CYB5R4: variants seen among roughly 807,000 people sequenced by gnomAD.
CYB5R4 encodes the protein cytochrome b5 reductase 4.
Under a neutral mutation model 70.2 loss-of-function variants are expected in CYB5R4, and 55 were observed. The observed-to-expected ratio is 0.78, with a 90% CI of 0.63 to 0.98. CYB5R4 has a LOEUF of 0.98. Ranked by LOEUF, CYB5R4 falls within the 50% of genes least tolerant of loss-of-function variation. The pLI, the probability that CYB5R4 is intolerant of heterozygous loss-of-function variation, is 0.00. For missense variants in CYB5R4, 562 were observed against 612.6 expected (o/e 0.92, Z 0.87); for synonymous variants, 197 against 199.5 (o/e 0.99, Z 0.11).
At chr6:83,906,654 G>A (rs1215462487) in intron 3 of CYB5R4, among the ~76,000 whole-genome samples, 3 of 152,138 alleles carry the variant, frequency 2.0e-5, no homozygotes, top group Admixed American at 6.5e-5. Context: ...GGTATCTCCT[G>A]TCACTTTACT....
chr6:83,874,193 C>T (rs1352917324), intron 2 of CYB5R4, among the ~76,000 whole-genome samples: 1 of 113,406 alleles, frequency 8.8e-6, no homozygotes, highest in African/African-American at 3.4e-5. Flanking sequence ...CCCTTCCCTT[C>T]CCTCTTATTT....
intron 2 of CYB5R4, among the ~76,000 whole-genome samples, chr6:83,869,657 C>T (rs1317867348): frequency 6.6e-6 from 1 of 152,096 alleles, no homozygotes; most frequent in African/African-American, 2.4e-5. Flanking sequence ...GGCAAAACTC[C>T]AGCTCTACTA....
intron 12 of CYB5R4, among the ~76,000 whole-genome samples, chr6:83,937,676 T>C (rs2099469133): frequency 6.6e-6 from 1 of 152,098 alleles, no homozygotes; most frequent in African/African-American, 2.4e-5. Context: ...CACACCACCA[T>C]GCTGGCTAAT....
chr6:83,881,581 G>A (rs1170189958), intron 2 of CYB5R4, among the ~76,000 whole-genome samples: 1 of 152,190 alleles, frequency 6.6e-6, no homozygotes, highest in Non-Finnish European at 1.5e-5. Context: ...TGAACAAATT[G>A]TTTTTTATGG....
rs865921582 is a variant in CYB5R4 at position 83,922,530 on chromosome 6, G to A, written c.691+60G>A. 1.8e-5 allele frequency: 21 copies of A among 1,198,964 alleles called. No individual in the cohort carries two copies. In the African/African-American group the frequency reaches 2.2e-4, roughly 12 times the overall value. 74.3% of individuals were successfully genotyped at this position (1,198,964 alleles called of 1,614,324 possible). A position where few individuals can be genotyped will look rare whatever the true frequency, so the allele number is the denominator to read the frequency against. ...GTACATATACACATACCTACAGAGA[G>A]AGAGATACGAAAAAATTGAAAAATT... On this transcript the variant is annotated intron_variant, in intron 9 of 15. Coordinates refer to ENST00000369681, the MANE Select transcript of CYB5R4 (RefSeq NM_016230.4).
chr6:83,865,865 A>G (rs772885333), intron 2 of CYB5R4, among the ~76,000 whole-genome samples: 2 of 152,134 alleles, frequency 1.3e-5, no homozygotes, highest in Non-Finnish European at 2.9e-5. Flanking sequence ...CAGCTCCCCA[A>G]AGTTCCTCAG....
chr6:83,880,059 A>C (rs1294921760), intron 2 of CYB5R4, among the ~76,000 whole-genome samples: 2 of 152,086 alleles, frequency 1.3e-5, no homozygotes, highest in East Asian at 3.8e-4. Flanking sequence ...TAAGGGTGAG[A>C]GCAGTGTTTT....
intron 2 of CYB5R4, among the ~76,000 whole-genome samples, chr6:83,890,126 T>TA (rs1292908659): frequency 6.6e-6 from 1 of 152,220 alleles, no homozygotes; most frequent in African/African-American, 2.4e-5. Flanking sequence ...ATTTAAGAAA[T>TA]ACATTTTATA....
intron 14 of CYB5R4, among the ~76,000 whole-genome samples, chr6:83,941,831 T>A (rs1034261470): frequency 1.3e-5 from 2 of 152,242 alleles, no homozygotes; most frequent in Admixed American, 6.5e-5. Context: ...AAGTATTTTT[T>A]AACACATTTT....
At chr6:83,935,915 AGTTTATTT>A (rs2099468846) in intron 11 of CYB5R4, among the ~76,000 whole-genome samples, 1 of 151,964 alleles carries the variant, frequency 6.6e-6, no homozygotes, top group Non-Finnish European at 1.5e-5. Context: ...CCCATTACAA[AGTTTATTT>A]GCTGATGGAA....
At chr6:83,905,453 G>A (rs1054111849) in intron 3 of CYB5R4, among the ~76,000 whole-genome samples, 3 of 152,192 alleles carry the variant, frequency 2.0e-5, no homozygotes, top group Non-Finnish European at 4.4e-5. Flanking sequence ...GGTGTGTGCA[G>A]TAGTGTAGTC....
chr6:83,882,276 A>G (rs1037434895), intron 2 of CYB5R4, among the ~76,000 whole-genome samples: 2 of 152,200 alleles, frequency 1.3e-5, no homozygotes, highest in Non-Finnish European at 2.9e-5. Context: ...TTGAATAACT[A>G]GATGTCAGAA....
chr6:83,874,307 C>T (rs2099458169), intron 2 of CYB5R4, among the ~76,000 whole-genome samples: 1 of 151,278 alleles, frequency 6.6e-6, no homozygotes, highest in African/African-American at 2.4e-5. Flanking sequence ...CCTCCCACCT[C>T]AGCCTCCAAA....
At chr6:83,931,155 G>A (rs1319466259) in intron 10 of CYB5R4, among the ~76,000 whole-genome samples, 2 of 152,140 alleles carry the variant, frequency 1.3e-5, no homozygotes, top group Non-Finnish European at 2.9e-5. Context: ...CCACAACTTG[G>A]CTATAGTGAT....
chr6:83,901,292 C>T (rs1414584159), intron 3 of CYB5R4, among the ~76,000 whole-genome samples: 2 of 152,144 alleles, frequency 1.3e-5, no homozygotes, highest in East Asian at 3.9e-4. Flanking sequence ...AATATTGGCC[C>T]CCACTCTCTT....
chr6:83,900,830 C>G (rs894463173), intron 3 of CYB5R4, among the ~76,000 whole-genome samples: 3 of 152,156 alleles, frequency 2.0e-5, no homozygotes, highest in South Asian at 2.1e-4. Context: ...GTAGATCTTC[C>G]TCCATCCCTT....
intron 2 of CYB5R4, among the ~76,000 whole-genome samples, chr6:83,869,618 C>T (rs1302344731): frequency 1.3e-5 from 2 of 152,170 alleles, no homozygotes; most frequent in Admixed American, 6.5e-5. Context: ...CACCTGAGGT[C>T]ACGAGTTCGA....
rs536750272 is a variant in CYB5R4, at chr6:83,962,162, T to A, written c.*2284T>A. Reference sequence around the variant, plus strand: ...AGGAATCAACATCAATGTCCCCTTCTCCAGTCTGACTCTTCCATACCAGCT... The same window carrying A: ...AGGAATCAACATCAATGTCCCCTTCACCAGTCTGACTCTTCCATACCAGCT... On this transcript the variant is annotated 3_prime_UTR_variant, in exon 16 of 16. Transcript: ENST00000369681. 1 of 152,212 alleles carries A rather than the reference T, an allele frequency of 6.6e-6. No individual in the cohort carries two copies. Among genetic ancestry groups the A allele is most frequent in the African/African-American group, 2.4e-5 (1 of 41,454 alleles). The allele number at this position is 152,212 out of a possible 1,614,324, so 9.4% of individuals were successfully genotyped here.
intron 2 of CYB5R4, among the ~76,000 whole-genome samples, chr6:83,881,409 A>C (rs1323414202): frequency 6.6e-6 from 1 of 152,082 alleles, no homozygotes; most frequent in Non-Finnish European, 1.5e-5. Flanking sequence ...TTTTGTCCCC[A>C]AGCAGCCCAC....
Sources: allele counts gnomAD v4.1 joint callset (sites outside exome capture counted in the v4.1 genomes callset), GRCh38; gene constraint gnomAD v4.1.1; transcripts MANE v1.5; gene names NCBI Gene and HGNC (gene_info 2026-07-23, HGNC 2026-07-21).